MAZ: variants seen among roughly 807,000 people sequenced by gnomAD.
The protein encoded by MAZ is myc-associated zinc finger protein.
A neutral mutation model predicts 32.7 loss-of-function variants in MAZ; 4 were observed. The ratio of observed to expected loss-of-function variants is 0.12; its 90% CI spans 0.06 to 0.28. The LOEUF (loss-of-function observed/expected upper bound fraction) is 0.28, where lower values mean the gene tolerates loss of function less well. Among genes scored for constraint, MAZ ranks in the 10% least tolerant of loss-of-function variants. The pLI is 1.00. For missense variants in MAZ, 763 were observed against 667.2 expected, an observed-to-expected ratio of 1.14 and a Z score of -1.58; for synonymous variants, 510 against 297.6, an observed-to-expected ratio of 1.71 and a Z score of -7.35.
intron 4 of MAZ, 166 bp from the exon 5 acceptor site, chr16:29,809,911 G>A (rs1018582388): frequency 4.0e-6 from 5 of 1,236,510 alleles, no homozygotes; most frequent in Non-Finnish European, 5.6e-6. Context: ...GAGGATCCTT[G>A]AGAACTGCTC....
At chr16:29,807,919 G>A (rs1453128489) in intron 2 of MAZ, 91 bp downstream of exon 2, 4 of 1,528,154 alleles carry the variant, frequency 2.6e-6, no homozygotes, top group African/African-American at 2.7e-5. Flanking sequence ...GAGGGAGGCG[G>A]CTGCTGAGGC....
At chr16:29,808,848 G>C (rs764504891) in intron 4 of MAZ, 107 bp downstream of exon 4, 1 of 1,140,156 alleles carries the variant, frequency 8.8e-7, no homozygotes. Context: ...AGCTCGTGGC[G>C]TCTAGATTCC....
Position 29,807,502 on chromosome 16 carries a change from C to G in MAZ, c.717C>G (p.Pro239=), listed in dbSNP as rs770656830. 2.7e-5 allele frequency: 43 copies of G among 1,611,260 alleles called. No homozygotes were observed. Among genetic ancestry groups the G allele is most frequent in the Non-Finnish European group, 3.3e-5 (39 of 1,179,164 alleles). Residue 239 remains proline (P), a synonymous_variant, in exon 2 of 5, where the codon CCC becomes CCG. Transcript: ENST00000322945. ...TGCCCCTGAGCCTCCTGAGCGTGCC[C>G]CAGCTGAGCGGAGCCGGCGGGGGAG... The part of the protein sequence containing the change: ...TMVPLSLLSV[P]QLSGAGGGGG...
In MAZ at chr16:29,810,495, A is replaced by G; in HGVS notation, c.*264A>G. On this transcript the variant is annotated 3_prime_UTR_variant, in exon 5 of 5. Transcript: ENST00000322945. Reference sequence around the variant, plus strand: ...CCCCTGGACAGTGGGCAGGGGTGGCAGAGGACACGAGCAGCCACTGCCCGT... The same window carrying G: ...CCCCTGGACAGTGGGCAGGGGTGGCGGAGGACACGAGCAGCCACTGCCCGT... The G allele has an allele frequency of 1.4e-6, 1 of 702,328 alleles. No homozygotes were observed. The highest frequency in any genetic ancestry group is 1.7e-5 in the African/African-American group (1 of 57,294). 43.5% of individuals were successfully genotyped at this position (702,328 alleles called of 1,614,324 possible).
intron 4 of MAZ, chr16:29,809,750 C>A: frequency 1.4e-6 from 2 of 1,423,222 alleles, no homozygotes; most frequent in Non-Finnish European, 1.8e-6. Context: ...TGAGGGGGAC[C>A]CCCGCACCCA....
At chr16:29,809,133 C>T in intron 4 of MAZ, 1 of 503,882 alleles carries the variant, frequency 2.0e-6, no homozygotes, top group Non-Finnish European at 3.5e-6. Context: ...CAGCACGCAC[C>T]CTGCACGGGT....
intron 4 of MAZ, 101 bp downstream of exon 4, chr16:29,808,842 C>G: frequency 8.2e-7 from 1 of 1,223,866 alleles, no homozygotes; most frequent in Non-Finnish European, 1.1e-6. Context: ...GCCAAGAGCT[C>G]GTGGCGTCTA....
At chr16:29,809,569 C>T in intron 4 of MAZ, 3 of 1,612,440 alleles carry the variant, frequency 1.9e-6, no homozygotes, top group Non-Finnish European at 2.5e-6. Context: ...CCTGCGCATC[C>T]ACGCGGTGAA....
rs1899568591 is a variant in MAZ at position 29,807,328 on chromosome 16, G to A, written c.543G>A (p.Glu181=). 2 of 1,609,738 alleles carry A rather than the reference G, an allele frequency of 1.2e-6. No homozygotes were observed. Among genetic ancestry groups the A allele is most frequent in the South Asian group, 2.2e-5 (2 of 90,666 alleles). ...TGGCCCCGGTCGCGTCTGCCTTGGA[G>A]AAGAAGACAAAGAGCAAGGGGCCCT... ...VAVAPVASAL[E]KKTKSKGPYI... The change falls in exon 2 of 5, where the codon GAG becomes GAA. Residue 181 remains glutamate (E), a synonymous_variant. Transcript: ENST00000322945.
At chr16:29,809,426 G>A (rs1899775353) in intron 4 of MAZ, 2 of 703,524 alleles carry the variant, frequency 2.8e-6, no homozygotes, top group South Asian at 1.6e-5. Flanking sequence ...CAAGGATACC[G>A]TGGGAGGAGG....
chr16:29,806,766 G>A lies in MAZ; in HGVS notation c.65G>A (p.Arg22Gln), dbSNP rs755933237. The change falls in exon 1 of 5, where the codon CGG (arginine) becomes CAG (glutamine). Residue 22 changes from arginine to glutamine, a missense_variant. Arg to Gln is a conservative substitution (Grantham distance 43). Transcript: ENST00000322945. ...PPFPVLGLDSRGVGGLMNSFP... is the reference protein window; with the variant it reads ...PPFPVLGLDSQGVGGLMNSFP... Reference sequence around the variant, plus strand: ...TTCCCCGTGCTGGGCCTGGACTCCCGGGGGGTGGGCGGCCTCATGAACTCC... The same window carrying A: ...TTCCCCGTGCTGGGCCTGGACTCCCAGGGGGTGGGCGGCCTCATGAACTCC... 4.9e-6 allele frequency: 7 copies of A among 1,426,224 alleles called. No individual in the cohort carries two copies. The South Asian group carries it at 6.8e-5, about 14-fold the overall frequency. The allele number at this position is 1,426,224 out of a possible 1,614,324, so 88.3% of individuals were successfully genotyped here.
Position 29,810,114 on chromosome 16 carries a change from AGCGGCG to A in MAZ, c.1320_1325del (p.Ala447_Ala448del), listed in dbSNP as rs374878500. 4.5e-5 allele frequency: 69 copies of A among 1,532,886 alleles called. No individual in the cohort carries two copies. The East Asian group carries it at 6.7e-4, about 15-fold the overall frequency. 95.0% of individuals were successfully genotyped at this position (1,532,886 alleles called of 1,614,324 possible). The stretch of plus-strand genomic sequence containing the variant: ...TTTGTCCAATGGCGGCGGCAGCGGC[AGCGGCG>A]GCAGCGGCAGCAGCGGCAGCAGTAG... On this transcript the variant is annotated inframe_deletion, in exon 5 of 5. Transcript: ENST00000322945.
rs986320405 is a variant in MAZ at position 29,811,012 on chromosome 16, C to A, written c.*781C>A. 1 of 453,076 alleles carries A rather than the reference C, an allele frequency of 2.2e-6. No homozygotes were observed. The highest frequency in any genetic ancestry group is 4.4e-6 in the Non-Finnish European group (1 of 225,264). The allele number at this position is 453,076 out of a possible 1,614,324, so 28.1% of individuals were successfully genotyped here. Reference sequence around the variant, plus strand: ...CTCCCCTCTTCCACCCCAGCTCCAGCCCTGGTCTTGTCTTTTCATCCCTCT... The same window carrying A: ...CTCCCCTCTTCCACCCCAGCTCCAGACCTGGTCTTGTCTTTTCATCCCTCT... On this transcript the variant is annotated 3_prime_UTR_variant, in exon 5 of 5. Transcript: ENST00000322945.
At chr16:29,808,374 C>A (rs1197428819) in intron 3 of MAZ, 81 bp downstream of exon 3, 2 of 1,397,616 alleles carry the variant, frequency 1.4e-6, no homozygotes, top group Non-Finnish European at 2.0e-6. Context: ...TCTCAGACCC[C>A]CTTTTTCTCT....
chr16:29,807,014 G>A lies in MAZ; in HGVS notation c.229G>A (p.Ala77Thr). Residue 77 changes from alanine to threonine, a missense_variant, in exon 2 of 5, where the codon GCG becomes ACG. Coordinates refer to ENST00000322945, the MANE Select transcript of MAZ (RefSeq NM_002383.4). ...GCCCCCGCCCACGCCCCAGGCCCCG[G>A]CGGCCGAGCCCCTCCAGGTGGACTT... ...PAPPPTPQAP[A>T]AEPLQVDLLP... The A allele has an allele frequency of 2.0e-6, 2 of 1,006,876 alleles. No homozygotes were observed. Among genetic ancestry groups the A allele is most frequent in the Non-Finnish European group, 2.4e-6 (2 of 847,166 alleles). The allele number at this position is 1,006,876 out of a possible 1,614,324, so 62.4% of individuals were successfully genotyped here.
Position 29,807,379 on chromosome 16 carries a change from G to A in MAZ, c.594G>A (p.Glu198=), listed in dbSNP as rs753137557. The change falls in exon 2 of 5, where the codon GAG becomes GAA. Residue 198 remains glutamate, a synonymous_variant. Transcript: ENST00000322945. The part of the protein sequence containing the change: ...GPYICALCAK[E]FKNGYNLRRH... ...ACATCTGCGCTCTGTGCGCCAAGGA[G>A]TTCAAGAACGGCTACAATCTCCGGA... is the stretch of plus-strand genomic sequence containing the variant. 7 of 1,612,338 alleles carry A rather than the reference G, an allele frequency of 4.3e-6. No individual in the cohort carries two copies. The East Asian group carries it at 1.3e-4, about 31-fold the overall frequency.
At position 29,807,106 on chromosome 16, in the gene MAZ, C is replaced by G. The variant is rs569075875; in HGVS notation, c.321C>G (p.Ala107=). 187 of 1,000,828 alleles carry G rather than the reference C, an allele frequency of 1.9e-4. 1 individual carries two copies. In the South Asian group the frequency reaches 5.3e-3, roughly 28 times the overall value. The allele number at this position is 1,000,828 out of a possible 1,614,324, so 62.0% of individuals were successfully genotyped here. Residue 107 remains alanine (A), a synonymous_variant, in exon 2 of 5, where the codon GCC becomes GCG. Transcript: ENST00000322945. Reference sequence around the variant, plus strand: ...CTGCGGCCGCTGCCGCCGCTGCTGCCGCCGTCGCTGCCGCGCCCCCGGCCC... The same window carrying G: ...CTGCGGCCGCTGCCGCCGCTGCTGCGGCCGTCGCTGCCGCGCCCCCGGCCC... ...AAAAAAAAAA[A]AVAAAPPAPA...
chr16:29,807,208 GGCGCCCGCGGCCGAGGCC>G lies in MAZ; in HGVS notation c.430_447del (p.Ala144_Pro149del). The G allele has an allele frequency of 3.2e-6, 4 of 1,235,036 alleles. No homozygotes were observed. Among genetic ancestry groups the G allele is most frequent in the Non-Finnish European group, 4.1e-6 (4 of 980,828 alleles). 76.5% of individuals were successfully genotyped at this position (1,235,036 alleles called of 1,614,324 possible). A position where few individuals can be genotyped will look rare whatever the true frequency, so the allele number is the denominator to read the frequency against. ...CCCCTCCGCCACCCCCGCCAGTGTC[GGCGCCCGCGGCCGAGGCC>G]GCGCCCCCCGCCTCCGCCGCCACTA... On this transcript the variant is annotated inframe_deletion, in exon 2 of 5. Transcript: ENST00000322945.
Position 29,808,616 on chromosome 16 carries a change from C to T in MAZ, c.1154C>T (p.Thr385Ile). ...FATKDRLRAH[T>I]VRHEEKVPCH... ...ACGAAGGATCGGCTGCGGGCGCACA[C>T]AGTACGACACGAGGAGAAAGTGCCA... is the stretch of plus-strand genomic sequence containing the variant. The change falls in exon 4 of 5, where the codon ACA (threonine) becomes ATA (isoleucine). Residue 385 changes from threonine to isoleucine, a missense_variant. By Grantham distance (89) the Thr-to-Ile change is moderately conservative (BLOSUM62 -1). Coordinates refer to ENST00000322945, the MANE Select transcript of MAZ (RefSeq NM_002383.4). 6.2e-7 allele frequency: 1 copy of T among 1,613,472 alleles called. No individual in the cohort carries two copies. The highest frequency in any genetic ancestry group is 1.7e-5 in the Admixed American group (1 of 59,966).
Sources: allele counts gnomAD v4.1 joint callset, GRCh38; gene constraint gnomAD v4.1.1; transcripts MANE v1.5; gene names NCBI Gene and HGNC (gene_info 2026-07-23, HGNC 2026-07-21).